The following AKR1C3 variants were observed in gnomAD, a reference collection of about 807,000 sequenced individuals.
The protein encoded by AKR1C3 is 3-alpha hydroxysteroid dehydrogenase, type II.
A neutral mutation model predicts 43.6 loss-of-function variants in AKR1C3; 48 were observed. The ratio of observed to expected loss-of-function variants is 1.10; its 90% CI spans 0.87 to 1.40. AKR1C3 has a LOEUF of 1.40. Ranked by LOEUF, AKR1C3 falls within the 40% of genes most tolerant of loss-of-function variation. The pLI, the probability that AKR1C3 is intolerant of heterozygous loss-of-function variation, is 0.00. For missense variants in AKR1C3, 482 were observed against 391.2 expected (o/e 1.23, Z -1.96); for synonymous variants, 162 against 139.6 (o/e 1.16, Z -1.13).
intron 1 of AKR1C3, among the ~76,000 whole-genome samples, chr10:5,067,822 G>T (rs1337322550): frequency 2.0e-5 from 3 of 152,158 alleles, no homozygotes; most frequent in Admixed American, 1.3e-4. Context: ...GAGTCATGGA[G>T]TGCAGAACTT....
chr10:5,091,844 A>G (rs1839097547), upstream of AKR1C3, among the ~76,000 whole-genome samples: 1 of 152,140 alleles, frequency 6.6e-6, no homozygotes, highest in South Asian at 2.1e-4. Context: ...CAAACTTTCA[A>G]AAACACGTAT....
Position 5,105,569 on chromosome 10 carries a change from TAATAAA to T in AKR1C3, c.847-24_847-19del, listed in dbSNP as rs1839479154. 6 of 1,579,962 alleles carry T rather than the reference TAATAAA, an allele frequency of 3.8e-6. No homozygotes were observed. The African/African-American group carries it at 5.4e-5, about 14-fold the overall frequency. On this transcript the variant is annotated intron_variant, in intron 7 of 8. Coordinates refer to ENST00000380554, the MANE Select transcript of AKR1C3 (RefSeq NM_003739.6). ...GGATTCACAACTGGCAATCTAAAAATAATAAAAGTTTTTTATTTCTGATAGGTTTTT... is the reference window on the plus strand; with the variant it reads ...GGATTCACAACTGGCAATCTAAAAATAGTTTTTTATTTCTGATAGGTTTTT...
upstream of AKR1C3, among the ~76,000 whole-genome samples, chr10:5,089,728 C>A (rs79974552): frequency 6.6e-6 from 1 of 151,982 alleles, no homozygotes; most frequent in Non-Finnish European, 1.5e-5. Context: ...CTATACCTGA[C>A]GTTTCTCAAT....
chr10:5,071,750 G>T (rs1554781340), intron 1 of AKR1C3, among the ~76,000 whole-genome samples: 2 of 152,168 alleles, frequency 1.3e-5, no homozygotes, highest in African/African-American at 4.8e-5. Context: ...TCTCACAGAG[G>T]GCAGGAGTCC....
chr10:5,085,635 G>T (rs1838948467), intron 1 of AKR1C3, among the ~76,000 whole-genome samples: 1 of 151,888 alleles, frequency 6.6e-6, no homozygotes, highest in Non-Finnish European at 1.5e-5. Flanking sequence ...GATTGGAATA[G>T]TTTCAGAAGG....
At chr10:5,106,753 C>CAAAAAAAA (rs782740812) in intron 8 of AKR1C3, among the ~76,000 whole-genome samples, 3 of 136,118 alleles carry the variant, frequency 2.2e-5, no homozygotes, top group Non-Finnish European at 3.2e-5. Flanking sequence ...GGCTCCATCT[C>CAAAAAAAA]AAAAAAAAAA....
At chr10:5,082,347 C>A (rs1412670804) in intron 1 of AKR1C3, among the ~76,000 whole-genome samples, 5 of 152,144 alleles carry the variant, frequency 3.3e-5, no homozygotes, top group Admixed American at 3.3e-4. Context: ...GTGGAGTGGA[C>A]ATCCTTGTCT....
chr10:5,066,132 A>G (rs1554780773), intron 1 of AKR1C3, among the ~76,000 whole-genome samples: 1 of 152,106 alleles, frequency 6.6e-6, no homozygotes, highest in Non-Finnish European at 1.5e-5. Flanking sequence ...GTGGATACCT[A>G]TGCTGTCGAG....
At position 5,102,548 on chromosome 10, in the gene AKR1C3, C is replaced by G. The variant is rs1554786258; in HGVS notation, c.744C>G (p.His248Gln). The change falls in exon 7 of 9, where the codon CAC (histidine) becomes CAG (glutamine). Residue 248 changes from histidine (H) to glutamine (Q), a missense_variant. Coordinates refer to ENST00000380554, the MANE Select transcript of AKR1C3 (RefSeq NM_003739.6). Reference protein sequence around the residue: ...DPVLCALAKKHKRTPALIALR... With the variant: ...DPVLCALAKKQKRTPALIALR... Reference sequence around the variant, plus strand: ...TCCTTTGTGCCTTGGCAAAAAAGCACAAGCGAACCCCAGCCCTGATTGCCC... The same window carrying G: ...TCCTTTGTGCCTTGGCAAAAAAGCAGAAGCGAACCCCAGCCCTGATTGCCC... 6.4e-7 allele frequency: 1 copy of G among 1,573,008 alleles called. No homozygotes were observed. Among genetic ancestry groups the G allele is most frequent in the South Asian group, 1.2e-5 (1 of 86,168 alleles).
At chr10:5,071,793 G>A (rs146969608) in intron 1 of AKR1C3, among the ~76,000 whole-genome samples, 54 of 152,310 alleles carry the variant, frequency 3.5e-4, no homozygotes, top group Middle Eastern at 3.4e-3. Flanking sequence ...CAAACCCAGA[G>A]GGACTAATCA....
chr10:5,077,094 T>G (rs1404409952), intron 1 of AKR1C3, among the ~76,000 whole-genome samples: 4 of 152,176 alleles, frequency 2.6e-5, no homozygotes, highest in African/African-American at 9.7e-5. Flanking sequence ...GGATAATCTT[T>G]TTTTTTCACT....
At chr10:5,076,698 CT>C (rs1215500860) in intron 1 of AKR1C3, among the ~76,000 whole-genome samples, 2 of 152,162 alleles carry the variant, frequency 1.3e-5, no homozygotes, top group Non-Finnish European at 1.5e-5. Flanking sequence ...GGAAGCATCT[CT>C]TTTCATGTGT....
In AKR1C3 at chr10:5,107,618, G is replaced by C. The variant is rs1443157123; in HGVS notation, c.*115G>C. The C allele has an allele frequency of 3.9e-6, 3 of 764,678 alleles. No homozygotes were observed. Among genetic ancestry groups the C allele is most frequent in the Admixed American group, 5.6e-5 (2 of 35,760 alleles). 47.4% of individuals were successfully genotyped at this position (764,678 alleles called of 1,614,324 possible). A position where few individuals can be genotyped will look rare whatever the true frequency, so the allele number is the denominator to read the frequency against. On this transcript the variant is annotated 3_prime_UTR_variant, in exon 9 of 9. Transcript: ENST00000380554. ...CCTCTACTTAAATCCGTCCTGTTTA[G>C]CGACTTCAGTCAACTACAGCTGAGT...
intron 1 of AKR1C3, among the ~76,000 whole-genome samples, chr10:5,065,553 ATAAAG>A (rs1343569743): frequency 2.6e-5 from 4 of 152,210 alleles, no homozygotes; most frequent in African/African-American, 4.8e-5. Context: ...CAAGGAAAGA[ATAAAG>A]TAGCAAAAGG....
intron 1 of AKR1C3, among the ~76,000 whole-genome samples, chr10:5,068,732 G>A (rs967277932): frequency 1.3e-5 from 2 of 152,288 alleles, no homozygotes; most frequent in African/African-American, 4.8e-5. Context: ...GGATCTTCAG[G>A]CAGGCAGAGG....
At chr10:5,104,906 T>G (rs1839460432) in intron 7 of AKR1C3, among the ~76,000 whole-genome samples, 2 of 152,174 alleles carry the variant, frequency 1.3e-5, no homozygotes, top group South Asian at 4.1e-4. Context: ...TGAACACCTT[T>G]TACCTAGACT....
chr10:5,070,372 A>T (rs1461266251), intron 1 of AKR1C3, among the ~76,000 whole-genome samples: 2 of 152,208 alleles, frequency 1.3e-5, no homozygotes, highest in African/African-American at 4.8e-5. Context: ...CAACAAAAGT[A>T]GATATTTATG....
At chr10:5,069,461 A>G (rs1305698743) in intron 1 of AKR1C3, among the ~76,000 whole-genome samples, 1 of 152,254 alleles carries the variant, frequency 6.6e-6, no homozygotes, top group Non-Finnish European at 1.5e-5. Context: ...TCTGAATTAT[A>G]CAAAGTTATT....
At chr10:5,089,572 G>C (rs1292672225), upstream of AKR1C3, among the ~76,000 whole-genome samples, 2 of 152,020 alleles carry the variant, frequency 1.3e-5, no homozygotes, top group Non-Finnish European at 1.5e-5. Flanking sequence ...TTCCTTCAGT[G>C]AATTTTTTTG....
Sources: gnomAD v4.1 joint callset for allele counts (sites outside exome capture counted in the v4.1 genomes callset) on GRCh38, gnomAD v4.1.1 for gene constraint, MANE v1.5 for transcripts, NCBI Gene and HGNC (gene_info 2026-07-23, HGNC 2026-07-21) for gene names.